KCNQ5: variants seen among roughly 807,000 people sequenced by gnomAD.
The protein encoded by KCNQ5 is potassium voltage-gated channel subfamily Q member 5, also known as potassium voltage-gated channel subfamily KQT member 5.
KCNQ5 carries 30 observed loss-of-function variants against 98.2 expected under a neutral mutation model. The observed-to-expected ratio is 0.31, with a 90% confidence interval of 0.23 to 0.41. The LOEUF is 0.41. Among genes scored for constraint, KCNQ5 ranks in the 10% least tolerant of loss-of-function variants. KCNQ5 has a pLI of 1.00. For synonymous variants in KCNQ5, 458 were observed against 449.4 expected, an observed-to-expected ratio of 1.02 and a Z score of -0.24; for missense variants, 835 against 1,182.5, an observed-to-expected ratio of 0.71 and a Z score of 4.31.
rs1374038329 is a variant in KCNQ5, at chr6:72,807,751, C to T, written c.398+185164C>T. Among the ~76,000 whole-genome samples, 4 of 152,228 alleles carry T rather than the reference C, an allele frequency of 2.6e-5. No individual in the cohort carries two copies. The South Asian group carries it at 6.2e-4, about 24-fold the overall frequency. On this transcript the variant is annotated intron_variant, in intron 1 of 13. Transcript: ENST00000370398. ...CTGATCTTAAACTCCTGACCTCAAG[C>T]AATCCTCCCACCTAGGCCTCCTAAA... is the stretch of plus-strand genomic sequence containing the variant.
At chr6:72,969,498 G>A (rs1211536754) in intron 1 of KCNQ5, among the ~76,000 whole-genome samples, 1 of 152,156 alleles carries the variant, frequency 6.6e-6, no homozygotes, top group Admixed American at 6.6e-5. Flanking sequence ...CCTAGGTAGA[G>A]TTTTCCAATT....
At chr6:73,038,978 T>C (rs911069373) in intron 2 of KCNQ5, among the ~76,000 whole-genome samples, 2 of 152,106 alleles carry the variant, frequency 1.3e-5, no homozygotes, top group African/African-American at 4.8e-5. Context: ...ACCTGGACAT[T>C]TCTGTTTGGG....
At chr6:72,795,956 A>T (rs1774312685) in intron 1 of KCNQ5, among the ~76,000 whole-genome samples, 1 of 152,120 alleles carries the variant, frequency 6.6e-6, no homozygotes. Context: ...TGCCCTGTTT[A>T]CTAGGAAAAA....
At chr6:72,962,204 TATATATATATATAC>T (rs1562095966) in intron 1 of KCNQ5, among the ~76,000 whole-genome samples, 2 of 84,534 alleles carry the variant, frequency 2.4e-5, no homozygotes, top group African/African-American at 6.7e-5. Flanking sequence ...TATATATACA[TATATATATATATAC>T]ACACATATAT....
At chr6:72,628,136 C>T (rs758910323) in intron 1 of KCNQ5, among the ~76,000 whole-genome samples, 40 of 152,184 alleles carry the variant, frequency 2.6e-4, no homozygotes, top group Non-Finnish European at 4.7e-4. Context: ...TCCATAAATG[C>T]ATGCTTAACT....
chr6:72,938,378 T>C (rs1172705717), intron 1 of KCNQ5, among the ~76,000 whole-genome samples: 1 of 152,004 alleles, frequency 6.6e-6, no homozygotes, highest in East Asian at 1.9e-4. Flanking sequence ...AAATTGTACG[T>C]TTATTTATTT....
chr6:72,897,737 G>C (rs951084650), intron 1 of KCNQ5, among the ~76,000 whole-genome samples: 1 of 152,174 alleles, frequency 6.6e-6, no homozygotes, highest in African/African-American at 2.4e-5. Flanking sequence ...GCTCCATTAG[G>C]ACAGGCCCTA....
At chr6:73,051,719 A>C (rs74791323) in intron 3 of KCNQ5, among the ~76,000 whole-genome samples, 1 of 146,142 alleles carries the variant, frequency 6.8e-6, no homozygotes. Context: ...AAAAAAAAAA[A>C]AAAAAAAAAA....
chr6:72,879,424 T>C (rs950564963), intron 1 of KCNQ5, among the ~76,000 whole-genome samples: 1 of 152,208 alleles, frequency 6.6e-6, no homozygotes, highest in African/African-American at 2.4e-5. Context: ...AATTTCTGTT[T>C]AATGAATTTC....
At chr6:73,085,769 G>A (rs1773965234) in intron 5 of KCNQ5, among the ~76,000 whole-genome samples, 1 of 152,162 alleles carries the variant, frequency 6.6e-6, no homozygotes, top group Non-Finnish European at 1.5e-5. Flanking sequence ...TGAGCACATT[G>A]TCACTTGGCT....
intron 1 of KCNQ5, among the ~76,000 whole-genome samples, chr6:72,840,417 C>G (rs1224485347): frequency 6.6e-6 from 1 of 152,162 alleles, no homozygotes; most frequent in African/African-American, 2.4e-5. Context: ...AATTTATACA[C>G]AAAACTTGGA....
chr6:72,718,303 T>C (rs531351945), intron 1 of KCNQ5, among the ~76,000 whole-genome samples: 1 of 152,216 alleles, frequency 6.6e-6, no homozygotes, highest in African/African-American at 2.4e-5. Context: ...TGTATGCCTC[T>C]CCCTTTGCTG....
intron 1 of KCNQ5, among the ~76,000 whole-genome samples, chr6:72,907,608 C>A (rs9341389): frequency 6.6e-6 from 1 of 152,092 alleles, no homozygotes. Flanking sequence ...AGGCTATCTC[C>A]TTTTCTTCCT....
intron 1 of KCNQ5, among the ~76,000 whole-genome samples, chr6:72,890,150 A>G (rs371060371): frequency 6.6e-6 from 1 of 152,228 alleles, no homozygotes; most frequent in Non-Finnish European, 1.5e-5. Flanking sequence ...TTAAAATTGC[A>G]TATATTTAAT....
At chr6:72,926,746 A>T (rs1765440533) in intron 1 of KCNQ5, among the ~76,000 whole-genome samples, 1 of 152,164 alleles carries the variant, frequency 6.6e-6, no homozygotes, top group Non-Finnish European at 1.5e-5. Context: ...TTCTTAATCT[A>T]TTAACCATTT....
intron 2 of KCNQ5, among the ~76,000 whole-genome samples, chr6:73,035,268 A>AT (rs1350866356): frequency 6.6e-6 from 1 of 152,224 alleles, no homozygotes; most frequent in Non-Finnish European, 1.5e-5. Context: ...AAGGTGAGTG[A>AT]TAAAAATAAT....
At chr6:72,988,243 C>T (rs9446808) in intron 1 of KCNQ5, among the ~76,000 whole-genome samples, 12,852 of 152,008 alleles carry the variant, frequency 0.085, 1,119 homozygotes, top group African/African-American at 0.22. Flanking sequence ...TATTATTATC[C>T]GCATCTTATA....
chr6:73,126,295 A>C (rs1386718479), intron 9 of KCNQ5, among the ~76,000 whole-genome samples: 1 of 152,218 alleles, frequency 6.6e-6, no homozygotes, highest in East Asian at 1.9e-4. Flanking sequence ...AGCTGTTAAC[A>C]CCTAAAAGAG....
chr6:72,809,430 T>C (rs1163569756), intron 1 of KCNQ5, among the ~76,000 whole-genome samples: 1 of 152,110 alleles, frequency 6.6e-6, no homozygotes, highest in African/African-American at 2.4e-5. Flanking sequence ...CATGTGCCTG[T>C]AATCCCAGCT....
Sources: allele counts gnomAD v4.1 joint callset (sites outside exome capture counted in the v4.1 genomes callset), GRCh38; gene constraint gnomAD v4.1.1; transcripts MANE v1.5; gene names NCBI Gene and HGNC (gene_info 2026-07-23, HGNC 2026-07-21).